The following BAHCC1 variants were observed in gnomAD, a reference collection of about 807,000 sequenced individuals.
The protein encoded by BAHCC1 is BAH and coiled-coil domain-containing protein 1.
A neutral mutation model predicts 88.2 loss-of-function variants in BAHCC1; 43 were observed. That is an observed-to-expected ratio of 0.49 (90% CI 0.38 to 0.63). The LOEUF (loss-of-function observed/expected upper bound fraction) is 0.63, where lower values mean the gene tolerates loss of function less well. Among genes scored for constraint, BAHCC1 ranks in the 20% least tolerant of loss-of-function variants. The pLI is 0.00. For synonymous variants in BAHCC1, 1,510 were observed against 745.5 expected (o/e 2.03, Z -16.71); for missense variants, 3,023 against 1,654.8 (o/e 1.83, Z -14.34).
chr17:81,415,182 C>G (rs1006896016), intron 2 of BAHCC1, among the ~76,000 whole-genome samples: 1 of 152,222 alleles, frequency 6.6e-6, no homozygotes, highest in Non-Finnish European at 1.5e-5. Flanking sequence ...GAGACCCGTC[C>G]GCTGGCAGCT....
At chr17:81,421,552 A>C (rs1156229059) in intron 2 of BAHCC1, among the ~76,000 whole-genome samples, 1 of 152,116 alleles carries the variant, frequency 6.6e-6, no homozygotes, top group Non-Finnish European at 1.5e-5. Context: ...CACAGTAGTG[A>C]CCACCTGGCA....
rs569370228 is a variant in BAHCC1, at chr17:81,436,332, C to T, written c.359-2038C>T. Among the ~76,000 whole-genome samples, 7 of 152,306 alleles carry T rather than the reference C, an allele frequency of 4.6e-5. No homozygotes were observed. The South Asian group carries it at 1.2e-3, about 27-fold the overall frequency. ...ACCCGCAGCTGCCCCCAGAGGGGAC[C>T]GGCGGGAAGGAGCCCACTCCTCTGC... On this transcript the variant is annotated intron_variant, in intron 3 of 27. Coordinates refer to ENST00000675386, the MANE Select transcript of BAHCC1 (RefSeq NM_001377448.1).
intron 1 of BAHCC1, among the ~76,000 whole-genome samples, chr17:81,397,486 A>G (rs1458943735): frequency 6.6e-6 from 1 of 151,478 alleles, no homozygotes; most frequent in East Asian, 1.9e-4. Flanking sequence ...CCGCGTGCGC[A>G]GCCCCCGGCC....
Position 81,444,445 on chromosome 17 carries a change from G to C in BAHCC1, c.2389G>C (p.Ala797Pro). The part of the protein sequence containing the change: ...HPPSSCPGDL[A>P]PHLMMQSGQL... The stretch of plus-strand genomic sequence containing the variant: ...ACCGAGCAGCTGCCCTGGGGACCTG[G>C]CCCCCCACCTCATGATGCAGAGCGG... Residue 797 changes from alanine to proline, a missense_variant, in exon 7 of 28, where the codon GCC becomes CCC. Coordinates refer to ENST00000675386, the MANE Select transcript of BAHCC1 (RefSeq NM_001377448.1). The C allele has an allele frequency of 1.3e-6, 1 of 742,690 alleles. No individual in the cohort carries two copies. The allele number at this position is 742,690 out of a possible 1,614,324, so 46.0% of individuals were successfully genotyped here. A position where few individuals can be genotyped will look rare whatever the true frequency, so the allele number is the denominator to read the frequency against.
At chr17:81,398,013 A>G (rs1432594721) in intron 1 of BAHCC1, among the ~76,000 whole-genome samples, 3 of 152,254 alleles carry the variant, frequency 2.0e-5, no homozygotes, top group Non-Finnish European at 4.4e-5. Flanking sequence ...ACCATAAAAT[A>G]TCGCAATTTA....
chr17:81,440,792 C>G (rs1278869569), intron 4 of BAHCC1, among the ~76,000 whole-genome samples: 1 of 152,178 alleles, frequency 6.6e-6, no homozygotes, highest in South Asian at 2.1e-4. Context: ...AGCTGCTGCT[C>G]TCTGCCCCCG....
At chr17:81,436,802 TG>T (rs1347247548) in intron 3 of BAHCC1, among the ~76,000 whole-genome samples, 1 of 152,208 alleles carries the variant, frequency 6.6e-6, no homozygotes, top group Non-Finnish European at 1.5e-5. Context: ...TTCCCAGACT[TG>T]GCCTGGGATG....
chr17:81,448,749 G>T (rs370280966), intron 11 of BAHCC1, among the ~76,000 whole-genome samples: 1 of 152,210 alleles, frequency 6.6e-6, no homozygotes, highest in East Asian at 1.9e-4. Flanking sequence ...CGCGGCAGGG[G>T]TGGTTCCGCA....
At chr17:81,445,202 C>CTGG in intron 9 of BAHCC1, 24 bp downstream of exon 9, 1 of 749,026 alleles carries the variant, frequency 1.3e-6, no homozygotes, top group Middle Eastern at 2.4e-4. Context: ...CCACGCTCAC[C>CTGG]TGGGCCGGGC....
At chr17:81,405,195 G>C (rs782132533) in intron 2 of BAHCC1, among the ~76,000 whole-genome samples, 1 of 152,156 alleles carries the variant, frequency 6.6e-6, no homozygotes, top group Non-Finnish European at 1.5e-5. Flanking sequence ...AGTCTCCCAA[G>C]TAGCTGGGAT....
intron 10 of BAHCC1, among the ~76,000 whole-genome samples, chr17:81,445,998 C>T (rs566859796): frequency 6.6e-6 from 1 of 152,308 alleles, no homozygotes; most frequent in East Asian, 1.9e-4. Context: ...GTACTGGCAC[C>T]CTGGGGGCAC....
intron 2 of BAHCC1, among the ~76,000 whole-genome samples, chr17:81,419,538 CCCCCG>C (rs2064087536): frequency 6.6e-6 from 1 of 152,182 alleles, no homozygotes; most frequent in African/African-American, 2.4e-5. Context: ...CTCCTGGTGT[CCCCCG>C]CCTGGGCGGG....
At position 81,460,717 on chromosome 17, in the gene BAHCC1, G is replaced by A. The variant is rs180872571; in HGVS notation, c.6202+11G>A. 48 of 774,518 alleles carry A rather than the reference G, an allele frequency of 6.2e-5. No individual in the cohort carries two copies. Among genetic ancestry groups the A allele is most frequent in the Admixed American group, 1.6e-4 (9 of 57,950 alleles). 48.0% of individuals were successfully genotyped at this position (774,518 alleles called of 1,614,324 possible). On this transcript the variant is annotated intron_variant, in intron 25 of 27. Coordinates refer to ENST00000675386, the MANE Select transcript of BAHCC1 (RefSeq NM_001377448.1). The stretch of plus-strand genomic sequence containing the variant: ...GCAAAGACAAAGCTGGTATTTTACC[G>A]GACTTCCCAGAATCCGGATCGGGGA...
chr17:81,463,843 G>A lies in BAHCC1; in HGVS notation c.*26G>A, dbSNP rs374741607. 5.0e-5 allele frequency: 35 copies of A among 703,350 alleles called. No individual in the cohort carries two copies. The highest frequency in any genetic ancestry group is 6.7e-5 in the Non-Finnish European group (26 of 385,392). 43.6% of individuals were successfully genotyped at this position (703,350 alleles called of 1,614,324 possible). A position where few individuals can be genotyped will look rare whatever the true frequency, so the allele number is the denominator to read the frequency against. ...GCCGCCCACCGCAGATGCCTCCCAC[G>A]TGCGCCAGGGACCCTGTGTGCGGAG... is the stretch of plus-strand genomic sequence containing the variant. On this transcript the variant is annotated 3_prime_UTR_variant, in exon 28 of 28. Coordinates refer to ENST00000675386, the MANE Select transcript of BAHCC1 (RefSeq NM_001377448.1).
chr17:81,415,755 G>A (rs2064012543), intron 2 of BAHCC1: 2 of 295,116 alleles, frequency 6.8e-6, no homozygotes, highest in South Asian at 5.2e-5. Context: ...GTGCGAAGCT[G>A]TCCCTGCTCC....
chr17:81,458,743 T>G lies in BAHCC1; in HGVS notation c.5448+18T>G, dbSNP rs782261290. 1.3e-6 allele frequency: 1 copy of G among 741,388 alleles called. No homozygotes were observed. The highest frequency in any genetic ancestry group is 1.4e-5 in the South Asian group (1 of 69,916). 45.9% of individuals were successfully genotyped at this position (741,388 alleles called of 1,614,324 possible). On this transcript the variant is annotated intron_variant, in intron 19 of 27. Transcript: ENST00000675386. The stretch of plus-strand genomic sequence containing the variant: ...GCAAGCAGGTAGCAGCCCCCCACTC[T>G]GGGAGCCCACTGTGCACCCACCTGC...
chr17:81,416,752 C>T (rs2064036872), intron 2 of BAHCC1, among the ~76,000 whole-genome samples: 1 of 152,218 alleles, frequency 6.6e-6, no homozygotes, highest in Non-Finnish European at 1.5e-5. Flanking sequence ...GCTGCTCTGG[C>T]ATGGAGCCTG....
intron 1 of BAHCC1, chr17:81,396,589 C>G: frequency 6.6e-6 from 1 of 152,208 alleles, no homozygotes; most frequent in East Asian, 1.9e-4. Context: ...CCCGCGCTCC[C>G]GGAGACGACG....
chr17:81,462,810 G>A lies in BAHCC1; in HGVS notation c.7454G>A (p.Arg2485His), dbSNP rs781918369. 6 of 780,272 alleles carry A rather than the reference G, an allele frequency of 7.7e-6. No homozygotes were observed. The highest frequency in any genetic ancestry group is 1.7e-5 in the Admixed American group (1 of 59,014). The allele number at this position is 780,272 out of a possible 1,614,324, so 48.3% of individuals were successfully genotyped here. A position where few individuals can be genotyped will look rare whatever the true frequency, so the allele number is the denominator to read the frequency against. ...ATCGTGCGGGGCGAGGAGACCCTGC[G>A]TGTCGGGGACTGTGCCGTCTTCCTG... ...KAIVRGEETL[R>H]VGDCAVFLSA... is the part of the protein sequence containing the mutation. The change falls in exon 27 of 28, where the codon CGT (arginine) becomes CAT (histidine). Residue 2485 changes from arginine (R) to histidine (H), a missense_variant. Coordinates refer to ENST00000675386, the MANE Select transcript of BAHCC1 (RefSeq NM_001377448.1).
Sources: allele counts gnomAD v4.1 joint callset (sites outside exome capture counted in the v4.1 genomes callset), GRCh38; gene constraint gnomAD v4.1.1; transcripts MANE v1.5; gene names NCBI Gene and HGNC (gene_info 2026-07-23, HGNC 2026-07-21).